The following BABAM2 variants were observed in gnomAD, a reference collection of about 807,000 sequenced individuals.
BABAM2 encodes BRISC and BRCA1 A complex member 2.
In BABAM2, 31 loss-of-function variants were observed where a neutral mutation model predicts 54.7. That is an observed-to-expected ratio of 0.57 (90% confidence interval 0.43 to 0.77). The LOEUF is 0.77. Among genes scored for constraint, BABAM2 ranks in the 30% least tolerant of loss-of-function variants. The pLI is 0.00. For missense variants in BABAM2, 364 were observed against 455.8 expected (o/e 0.80, Z 1.83); for synonymous variants, 167 against 162.9 (o/e 1.03, Z -0.19).
At chr2:28,272,406 A>G (rs1685493333) in intron 10 of BABAM2, among the ~76,000 whole-genome samples, 1 of 152,240 alleles carries the variant, frequency 6.6e-6, no homozygotes, top group Non-Finnish European at 1.5e-5. Context: ...AAAGTGGAGT[A>G]GTGATGGAAC....
At chr2:28,318,136 C>T (rs1315451520) in intron 11 of BABAM2, among the ~76,000 whole-genome samples, 1 of 152,206 alleles carries the variant, frequency 6.6e-6, no homozygotes, top group Non-Finnish European at 1.5e-5. Flanking sequence ...AGTAGTATCT[C>T]TGTTCCTCCC....
intron 6 of BABAM2, among the ~76,000 whole-genome samples, chr2:28,078,378 A>G (rs888357112): frequency 1.3e-5 from 2 of 152,080 alleles, no homozygotes; most frequent in South Asian, 4.2e-4. Context: ...CTGGCAATTC[A>G]GACATGCCAC....
rs186871138 is a variant in BABAM2 at position 28,303,399 on chromosome 2, A to T, written c.1088+4908A>T. Among the ~76,000 whole-genome samples, 449 of 152,286 alleles carry T rather than the reference A, an allele frequency of 2.9e-3. 3 individuals are homozygous for T. The highest frequency in any genetic ancestry group is 0.01 in the African/African-American group (420 of 41,554). ...AGATGCCAAGGTTAATTTTTTGTTCATATGTATCCAGATATTACAACACCA... is the reference window on the plus strand; with the variant it reads ...AGATGCCAAGGTTAATTTTTTGTTCTTATGTATCCAGATATTACAACACCA... On this transcript the variant is annotated intron_variant, in intron 11 of 11. Transcript: ENST00000379624.
intron 6 of BABAM2, among the ~76,000 whole-genome samples, chr2:28,096,650 A>AT (rs1365079303): frequency 6.6e-6 from 1 of 152,070 alleles, no homozygotes; most frequent in African/African-American, 2.4e-5. Flanking sequence ...TTATGTTAAC[A>AT]TGTCATAGTT....
chr2:27,921,599 C>T (rs1002149199), intron 2 of BABAM2, among the ~76,000 whole-genome samples: 8 of 152,116 alleles, frequency 5.3e-5, no homozygotes, highest in South Asian at 2.1e-4. Context: ...TAAGCATCTA[C>T]GTGCCTCAGT....
At chr2:28,225,855 T>C (rs1247245897) in intron 7 of BABAM2, among the ~76,000 whole-genome samples, 1 of 151,986 alleles carries the variant, frequency 6.6e-6, no homozygotes, top group Non-Finnish European at 1.5e-5. Flanking sequence ...AGGGCCTCTT[T>C]TCATTTTTGC....
chr2:28,065,138 G>A (rs1422512894), intron 6 of BABAM2, among the ~76,000 whole-genome samples: 2 of 152,126 alleles, frequency 1.3e-5, no homozygotes, highest in African/African-American at 4.8e-5. Flanking sequence ...AGTCAACACT[G>A]TAATATAAAG....
At chr2:27,987,836 A>G (rs370573000) in intron 3 of BABAM2, among the ~76,000 whole-genome samples, 157 bp from the exon 4 acceptor site, 1 of 151,498 alleles carries the variant, frequency 6.6e-6, no homozygotes, top group East Asian at 1.9e-4. Context: ...AAAAAAAGAT[A>G]TCAGTTTATT....
At chr2:28,090,520 G>A (rs1320011523) in intron 6 of BABAM2, among the ~76,000 whole-genome samples, 1 of 152,202 alleles carries the variant, frequency 6.6e-6, no homozygotes, top group Non-Finnish European at 1.5e-5. Context: ...GGGATTACAG[G>A]TGTGAGCCAC....
intron 6 of BABAM2, among the ~76,000 whole-genome samples, chr2:28,087,821 T>G (rs954335866): frequency 2.0e-5 from 3 of 152,142 alleles, no homozygotes; most frequent in Non-Finnish European, 2.9e-5. Flanking sequence ...GTCTAGTTTT[T>G]GTATTTTTAG....
intron 6 of BABAM2, among the ~76,000 whole-genome samples, chr2:28,127,738 G>T (rs1365546878): frequency 6.6e-6 from 1 of 151,948 alleles, no homozygotes; most frequent in Non-Finnish European, 1.5e-5. Flanking sequence ...GAAAAGAAGG[G>T]GTGGCATGAC....
chr2:27,888,851 C>A (rs534192443), upstream of BABAM2, among the ~76,000 whole-genome samples: 412 of 152,186 alleles, frequency 2.7e-3, 2 homozygotes, highest in Middle Eastern at 0.014. Context: ...ACTATCTGGC[C>A]CTTTACAGAA....
At chr2:27,971,216 G>C (rs1313605683) in intron 3 of BABAM2, among the ~76,000 whole-genome samples, 1 of 152,006 alleles carries the variant, frequency 6.6e-6, no homozygotes, top group Admixed American at 6.6e-5. Flanking sequence ...AATACTACAA[G>C]CTTTATTGGG....
chr2:28,085,734 T>TTGCC (rs1665581136), intron 6 of BABAM2, among the ~76,000 whole-genome samples: 1 of 152,182 alleles, frequency 6.6e-6, no homozygotes, highest in African/African-American at 2.4e-5. Flanking sequence ...TTCTAGGGTA[T>TTGCC]TGCCTCAGGA....
At chr2:27,942,422 G>A (rs993466706) in intron 3 of BABAM2, among the ~76,000 whole-genome samples, 1 of 151,848 alleles carries the variant, frequency 6.6e-6, no homozygotes, top group Non-Finnish European at 1.5e-5. Context: ...GCACAGTGGC[G>A]CGATCACAAC....
chr2:28,328,394 A>C (rs1038347026), intron 11 of BABAM2, among the ~76,000 whole-genome samples: 1 of 152,194 alleles, frequency 6.6e-6, no homozygotes, highest in African/African-American at 2.4e-5. Flanking sequence ...AGATGTTGGA[A>C]CTTGCCTCTA....
chr2:28,038,566 T>C (rs555103786), intron 5 of BABAM2, among the ~76,000 whole-genome samples: 72 of 152,104 alleles, frequency 4.7e-4, no homozygotes, highest in Non-Finnish European at 8.1e-4. Context: ...CCAGTGTCTG[T>C]TGTTCCCATC....
At chr2:28,326,577 T>C (rs971223631) in intron 11 of BABAM2, among the ~76,000 whole-genome samples, 9 of 152,150 alleles carry the variant, frequency 5.9e-5, no homozygotes, top group Admixed American at 1.3e-4. Flanking sequence ...TTCCTGCCTC[T>C]CATCAAGCAG....
intron 7 of BABAM2, among the ~76,000 whole-genome samples, chr2:28,197,301 C>A (rs1254809662): frequency 6.6e-6 from 1 of 152,230 alleles, no homozygotes; most frequent in Non-Finnish European, 1.5e-5. Flanking sequence ...TGACCAATTT[C>A]TCTAGCCTCT....
Sources: allele counts gnomAD v4.1 joint callset (sites outside exome capture counted in the v4.1 genomes callset), GRCh38; gene constraint gnomAD v4.1.1; transcripts MANE v1.5; gene names NCBI Gene and HGNC (gene_info 2026-07-23, HGNC 2026-07-21).